CACNG2: variants seen among roughly 807,000 people sequenced by gnomAD.
CACNG2 encodes the protein voltage-dependent calcium channel gamma-2 subunit.
Under a neutral mutation model 25.9 loss-of-function variants are expected in CACNG2, and 3 were observed. The observed-to-expected ratio is 0.12, with a 90% CI of 0.05 to 0.30. The LOEUF (loss-of-function observed/expected upper bound fraction) is 0.30. CACNG2 is among the 10% of genes least tolerant of loss of function. The pLI, the probability that CACNG2 is intolerant of heterozygous loss-of-function variation, is 1.00. For synonymous variants in CACNG2, 167 were observed against 173.3 expected (o/e 0.96, Z 0.29); for missense variants, 341 against 432.5 (o/e 0.79, Z 1.88).
intron 1 of CACNG2, among the ~76,000 whole-genome samples, chr22:36,600,122 G>T (rs2145931111): frequency 6.6e-6 from 1 of 152,324 alleles, no homozygotes; most frequent in Non-Finnish European, 1.5e-5. Flanking sequence ...ATGGAGAGCT[G>T]CATGATGGTA....
At chr22:36,654,371 G>A (rs1399815217) in intron 1 of CACNG2, among the ~76,000 whole-genome samples, 5 of 151,782 alleles carry the variant, frequency 3.3e-5, no homozygotes, top group South Asian at 2.1e-4. Context: ...GATCACTTGC[G>A]TAGGCCACCA....
In CACNG2 at chr22:36,617,873, T is replaced by C. The variant is rs542250412; in HGVS notation, c.212-30325A>G. On this transcript the variant is annotated intron_variant, in intron 1 of 3. Transcript: ENST00000300105. ...TAAATTGTGTTGAACACCTGCCACA[T>C]TCTAAGGGTTGGTAACCATCAACCC... Among the ~76,000 whole-genome samples, 3 of 151,922 alleles carry C rather than the reference T, an allele frequency of 2.0e-5. No homozygotes were observed. In the East Asian group the frequency reaches 5.8e-4, roughly 29 times the overall value.
intron 1 of CACNG2, among the ~76,000 whole-genome samples, chr22:36,683,546 C>T (rs377534963): frequency 6.6e-6 from 1 of 152,190 alleles, no homozygotes; most frequent in East Asian, 1.9e-4. Context: ...TTATGGGAGA[C>T]AGTCATTCCT....
chr22:36,651,199 A>G (rs1030845641), intron 1 of CACNG2, among the ~76,000 whole-genome samples: 1 of 148,640 alleles, frequency 6.7e-6, no homozygotes, highest in Non-Finnish European at 1.5e-5. Context: ...GCTATCTTGA[A>G]ATTCTTAATA....
At chr22:36,632,495 T>A (rs1227890632) in intron 1 of CACNG2, among the ~76,000 whole-genome samples, 1 of 137,594 alleles carries the variant, frequency 7.3e-6, no homozygotes, top group African/African-American at 2.6e-5. Flanking sequence ...TCTCTCTCTC[T>A]CAATCCCTTT....
At chr22:36,645,591 T>A (rs1936510634) in intron 1 of CACNG2, among the ~76,000 whole-genome samples, 1 of 151,616 alleles carries the variant, frequency 6.6e-6, no homozygotes, top group African/African-American at 2.4e-5. Context: ...TGTATTATTA[T>A]TACATGTGCT....
At position 36,679,062 on chromosome 22, in the gene CACNG2, A is replaced by G. The variant is rs1189453648; in HGVS notation, c.211+23304T>C. The stretch of plus-strand genomic sequence containing the variant: ...GTCACAGCTGGCTGTGCCTTAACTG[A>G]TACTCAGTTATTAGTTTATTCTTTA... On this transcript the variant is annotated intron_variant, in intron 1 of 3. Coordinates refer to ENST00000300105, the MANE Select transcript of CACNG2 (RefSeq NM_006078.5). Among the ~76,000 whole-genome samples the G allele has an allele frequency of 2.0e-5, 3 of 152,204 alleles. No homozygotes were observed. The East Asian group carries it at 5.8e-4, about 29-fold the overall frequency.
intron 1 of CACNG2, among the ~76,000 whole-genome samples, chr22:36,620,375 A>G (rs529662201): frequency 1.3e-5 from 2 of 152,382 alleles, no homozygotes; most frequent in South Asian, 4.1e-4. Flanking sequence ...CTCATGCCCC[A>G]GAGTGATGTT....
intron 1 of CACNG2, among the ~76,000 whole-genome samples, chr22:36,595,018 T>C (rs1935656761): frequency 6.6e-6 from 1 of 151,062 alleles, no homozygotes; most frequent in South Asian, 2.1e-4. Context: ...GAAGTCTGCA[T>C]ATGTGTGTGT....
intron 1 of CACNG2, among the ~76,000 whole-genome samples, chr22:36,639,478 A>T (rs1936409296): frequency 6.6e-6 from 1 of 152,028 alleles, no homozygotes; most frequent in African/African-American, 2.4e-5. Context: ...TATTTTGTGA[A>T]TTTGTGTCCT....
At chr22:36,617,744 T>C (rs1227117122) in intron 1 of CACNG2, among the ~76,000 whole-genome samples, 1 of 150,816 alleles carries the variant, frequency 6.6e-6, no homozygotes, top group Admixed American at 6.7e-5. Context: ...GACTGAACTC[T>C]GACTTCATCA....
chr22:36,632,287 G>A (rs531262284), intron 1 of CACNG2, among the ~76,000 whole-genome samples: 77 of 152,122 alleles, frequency 5.1e-4, no homozygotes, highest in African/African-American at 1.9e-3. Flanking sequence ...TCTGGCACAC[G>A]GGAAGACCAA....
At chr22:36,591,232 G>A (rs1935587623) in intron 1 of CACNG2, among the ~76,000 whole-genome samples, 1 of 151,846 alleles carries the variant, frequency 6.6e-6, no homozygotes, top group Admixed American at 6.6e-5. Context: ...TTGTAGAGAC[G>A]GGGTTTCACT....
intron 2 of CACNG2, 35 bp downstream of exon 2, chr22:36,587,430 C>T: frequency 6.8e-7 from 1 of 1,475,924 alleles, no homozygotes; most frequent in Non-Finnish European, 9.5e-7. Flanking sequence ...GGGCCCACCA[C>T]CAGGAGGGAG....
At chr22:36,637,727 G>C (rs1280057900) in intron 1 of CACNG2, among the ~76,000 whole-genome samples, 1 of 152,168 alleles carries the variant, frequency 6.6e-6, no homozygotes, top group East Asian at 1.9e-4. Flanking sequence ...TTAGAATCTT[G>C]TCTGTTTCCT....
At chr22:36,572,668 C>G (rs553307143) in intron 2 of CACNG2, among the ~76,000 whole-genome samples, 2 of 151,644 alleles carry the variant, frequency 1.3e-5, no homozygotes, top group Admixed American at 1.3e-4. Context: ...AGCCACTGCA[C>G]TCTAGCCTGG....
intron 1 of CACNG2, among the ~76,000 whole-genome samples, chr22:36,617,505 G>T (rs969657267): frequency 6.6e-6 from 1 of 151,764 alleles, no homozygotes; most frequent in Non-Finnish European, 1.5e-5. Context: ...AGCTATTCAT[G>T]TTGAGCCAAT....
chr22:36,568,736 C>G (rs1054700777), intron 2 of CACNG2, among the ~76,000 whole-genome samples: 1 of 152,162 alleles, frequency 6.6e-6, no homozygotes, highest in African/African-American at 2.4e-5. Flanking sequence ...TGTGAAAACT[C>G]TTCTTCTGTC....
chr22:36,607,471 G>T (rs553494434), intron 1 of CACNG2, among the ~76,000 whole-genome samples: 1 of 152,052 alleles, frequency 6.6e-6, no homozygotes, highest in African/African-American at 2.4e-5. Context: ...TCCCAGGCTG[G>T]GCTCAAGTGA....
Sources: gnomAD v4.1 joint callset for allele counts (sites outside exome capture counted in the v4.1 genomes callset) on GRCh38, gnomAD v4.1.1 for gene constraint, MANE v1.5 for transcripts, NCBI Gene and HGNC (gene_info 2026-07-23, HGNC 2026-07-21) for gene names.